Variants in LARP1 observed in about 807,000 individuals in gnomAD.
LARP1 encodes the protein La ribonucleoprotein 1, translational regulator, also known as la-related protein 1.
A neutral mutation model predicts 122.7 loss-of-function variants in LARP1; 36 were observed. The ratio of observed to expected loss-of-function variants is 0.29; its 90% CI spans 0.22 to 0.39. The LOEUF is 0.39. Among genes scored for constraint, LARP1 ranks in the 10% least tolerant of loss-of-function variants. LARP1 has a pLI of 1.00. For missense variants in LARP1, 1,040 were observed against 1,403.6 expected (o/e 0.74, Z 4.14); for synonymous variants, 539 against 528.7 (o/e 1.02, Z -0.27).
upstream of LARP1, among the ~76,000 whole-genome samples, chr5:154,755,250 C>T (rs1299237372): frequency 5.7e-3 from 2 of 352 alleles, no homozygotes; most frequent in Non-Finnish European, 0.014. Context: ...CGCCCAGGGC[C>T]CGGCCAGCGG....
At chr5:154,695,971 A>T (rs1192825506) in intron 1 of LARP1, among the ~76,000 whole-genome samples, 1 of 152,212 alleles carries the variant, frequency 6.6e-6, no homozygotes, top group African/African-American at 2.4e-5. Context: ...CTTGCCATTC[A>T]GATGACAGAT....
Position 154,799,766 on chromosome 5 carries a change from A to C in LARP1, c.1546+7A>C, listed in dbSNP as rs868277133. On this transcript the variant is annotated splice_region_variant and intron_variant, in intron 9 of 18. Coordinates refer to ENST00000518297, the MANE Select transcript of LARP1 (RefSeq NM_033551.3). The stretch of plus-strand genomic sequence containing the variant: ...CACTACCAAAAGGAGACAGGTAGGT[A>C]CCTGCTGGCATGAAGATTGCCCTTG... 1.5e-5 allele frequency: 24 copies of C among 1,614,126 alleles called. No individual in the cohort carries two copies. In the Middle Eastern group the frequency reaches 4.0e-3, roughly 266 times the overall value.
chr5:154,813,929 G>A lies in LARP1; in HGVS notation c.3124G>A (p.Val1042Ile). The change falls in exon 19 of 19, where the codon GTA becomes ATA. Residue 1042 changes from valine to isoleucine, a missense_variant. Physicochemically the swap from Val to Ile is conservative, Grantham distance 29 (BLOSUM62 3). Transcript: ENST00000518297. Reference protein sequence around the residue: ...EEGNHKRHSVVAGGGGGEGRK... With the variant: ...EEGNHKRHSVIAGGGGGEGRK... Reference sequence around the variant, plus strand: ...GGGCAACCACAAGCGACACTCAGTGGTAGCAGGAGGTGGCGGCGGTGAGGG... The same window carrying A: ...GGGCAACCACAAGCGACACTCAGTGATAGCAGGAGGTGGCGGCGGTGAGGG... 6.2e-7 allele frequency: 1 copy of A among 1,614,104 alleles called. No individual in the cohort carries two copies. Among genetic ancestry groups the A allele is most frequent in the East Asian group, 2.2e-5 (1 of 44,872 alleles).
chr5:154,728,251 G>A (rs563341034), intron 1 of LARP1, among the ~76,000 whole-genome samples: 14 of 152,120 alleles, frequency 9.2e-5, no homozygotes, highest in Non-Finnish European at 2.1e-4. Context: ...TGCGGATTCC[G>A]ATGCAATGAG....
Position 154,756,496 on chromosome 5 carries a change from G to A in LARP1, c.436+303G>A, listed in dbSNP as rs1376125858. 4.1e-6 allele frequency: 4 copies of A among 985,932 alleles called. No individual in the cohort carries two copies. In the African/African-American group the frequency reaches 5.2e-5, roughly 13 times the overall value. The allele number at this position is 985,932 out of a possible 1,614,324, so 61.1% of individuals were successfully genotyped here. On this transcript the variant is annotated intron_variant, in intron 1 of 18. Transcript: ENST00000518297. ...CGGCAGAGGGTGGGCGCTGGTTTCA[G>A]TGAAACGATCCCCACCGCATGCTGG...
chr5:154,795,937 ATATATTTATAT>A (rs1317821517), intron 8 of LARP1, among the ~76,000 whole-genome samples: 113 of 117,856 alleles, frequency 9.6e-4, no homozygotes, highest in African/African-American at 3.6e-3. Context: ...TTTATATATT[ATATATTTATAT>A]ATTATATATA....
At chr5:154,704,647 CAAAA>C (rs75268894) in intron 1 of LARP1, among the ~76,000 whole-genome samples, 2 of 52,836 alleles carry the variant, frequency 3.8e-5, no homozygotes, top group Non-Finnish European at 7.8e-5. Context: ...AACCCTGTCT[CAAAA>C]AAAAAAAAAA....
intron 1 of LARP1, among the ~76,000 whole-genome samples, chr5:154,747,134 C>T (rs1253949647): frequency 2.0e-5 from 3 of 151,306 alleles, no homozygotes; most frequent in Non-Finnish European, 2.9e-5. Flanking sequence ...TGTCTCAAAA[C>T]AAGCAAACAG....
intron 1 of LARP1, among the ~76,000 whole-genome samples, chr5:154,721,790 G>A (rs375574814): frequency 1.3e-5 from 2 of 152,148 alleles, no homozygotes; most frequent in African/African-American, 4.8e-5. Flanking sequence ...ATAAGGCTGC[G>A]GTTAAAGGGG....
Position 154,814,104 on chromosome 5 carries a change from C to G in LARP1, c.*8C>G. The stretch of plus-strand genomic sequence containing the variant: ...CAGACTTTGGGAAAGTGAAAAGCTC[C>G]TTAGCCCTGGGGCTTGAGGGGGGAA... On this transcript the variant is annotated 3_prime_UTR_variant, in exon 19 of 19. Coordinates refer to ENST00000518297, the MANE Select transcript of LARP1 (RefSeq NM_033551.3). The G allele has an allele frequency of 6.2e-7, 1 of 1,613,950 alleles. No individual in the cohort carries two copies. Among genetic ancestry groups the G allele is most frequent in the Non-Finnish European group, 8.5e-7 (1 of 1,179,932 alleles).
At chr5:154,785,887 G>A (rs931786528) in intron 1 of LARP1, among the ~76,000 whole-genome samples, 2 of 152,104 alleles carry the variant, frequency 1.3e-5, no homozygotes, top group Non-Finnish European at 2.9e-5. Context: ...ATTAGCAGTA[G>A]TAGCATCAGC....
At chr5:154,784,374 C>T (rs886712401) in intron 1 of LARP1, among the ~76,000 whole-genome samples, 1 of 152,112 alleles carries the variant, frequency 6.6e-6, no homozygotes, top group South Asian at 2.1e-4. Context: ...CGAAGGAGGT[C>T]GACCTAACGG....
chr5:154,809,050 TTTG>T (rs1226738156), intron 16 of LARP1, among the ~76,000 whole-genome samples: 4 of 152,200 alleles, frequency 2.6e-5, no homozygotes, highest in African/African-American at 7.2e-5. Context: ...CATAATTAAC[TTTG>T]TTGTTCTTTT....
chr5:154,743,650 C>T (rs892692852), intron 1 of LARP1, among the ~76,000 whole-genome samples: 1 of 144,192 alleles, frequency 6.9e-6, no homozygotes, highest in African/African-American at 2.6e-5. Context: ...GACAGAGTCT[C>T]GCTCTGTTGC....
intron 1 of LARP1, among the ~76,000 whole-genome samples, chr5:154,692,889 T>C (rs1002785064): frequency 1.1e-4 from 16 of 152,258 alleles, no homozygotes; most frequent in African/African-American, 3.6e-4. Context: ...TTTAAACATA[T>C]ATATGTGTGT....
intron 1 of LARP1, among the ~76,000 whole-genome samples, chr5:154,741,681 C>T (rs556553115): frequency 3.4e-4 from 51 of 152,114 alleles, no homozygotes; most frequent in Admixed American, 2.9e-3. Context: ...CAGAGCAAGG[C>T]CAGGTGCAAG....
intron 1 of LARP1, among the ~76,000 whole-genome samples, chr5:154,695,855 A>G (rs1296506062): frequency 6.6e-6 from 1 of 152,100 alleles, no homozygotes; most frequent in Non-Finnish European, 1.5e-5. Context: ...CCTGGGCGAC[A>G]GAGCAAGACT....
Position 154,755,719 on chromosome 5 carries a change from TCGGGCGCGCCCGGCTTCTCCGGGGGGG to T in LARP1, c.-29_-3del. The T allele has an allele frequency of 9.1e-6, 9 of 987,020 alleles. No homozygotes were observed. The highest frequency in any genetic ancestry group is 1.1e-5 in the Non-Finnish European group (9 of 830,226). The allele number at this position is 987,020 out of a possible 1,614,324, so 61.1% of individuals were successfully genotyped here. A position where few individuals can be genotyped will look rare whatever the true frequency, so the allele number is the denominator to read the frequency against. ...CAAGTTCGAGGCGGGGGAGGCAGCCTCGGGCGCGCCCGGCTTCTCCGGGGGGGCGGGCGCGCAGATGGCCACTCAGGT... is the reference window on the plus strand; with the variant it reads ...CAAGTTCGAGGCGGGGGAGGCAGCCTCGGGCGCGCAGATGGCCACTCAGGT... On this transcript the variant is annotated 5_prime_UTR_variant, in exon 1 of 19. Coordinates refer to ENST00000518297, the MANE Select transcript of LARP1 (RefSeq NM_033551.3).
chr5:154,813,849 G>A (rs187014446), intron 18 of LARP1, 38 bp from the exon 19 acceptor site: 1 of 1,576,920 alleles, frequency 6.3e-7, no homozygotes, highest in Non-Finnish European at 8.7e-7. Flanking sequence ...GGCGTAGATA[G>A]TGCTTCTGAT....
Sources: gnomAD v4.1 joint callset for allele counts (sites outside exome capture counted in the v4.1 genomes callset) on GRCh38, gnomAD v4.1.1 for gene constraint, MANE v1.5 for transcripts, NCBI Gene and HGNC (gene_info 2026-07-23, HGNC 2026-07-21) for gene names.